The following ARHGEF10 variants were observed in gnomAD, a reference collection of about 807,000 sequenced individuals.
ARHGEF10 encodes the protein Rho guanine nucleotide exchange factor (GEF) 10.
Under a neutral mutation model 147.4 loss-of-function variants are expected in ARHGEF10, and 140 were observed. The ratio of observed to expected loss-of-function variants is 0.95; its 90% CI spans 0.83 to 1.09. ARHGEF10 has a LOEUF of 1.09. ARHGEF10 is among the 50% of genes least tolerant of loss of function. ARHGEF10 has a pLI of 0.00. For synonymous variants in ARHGEF10, 902 were observed against 695.8 expected, an observed-to-expected ratio of 1.30 and a Z score of -4.67; for missense variants, 2,222 against 1,752.7, an observed-to-expected ratio of 1.27 and a Z score of -4.78.
At chr8:1,824,354 G>A (rs1450980104) in intron 1 of ARHGEF10, among the ~76,000 whole-genome samples, 2 of 151,984 alleles carry the variant, frequency 1.3e-5, no homozygotes, top group Admixed American at 6.5e-5. Flanking sequence ...GGGGAGCAGG[G>A]ACTGGCAGCA....
intron 9 of ARHGEF10, 27 bp from the exon 10 acceptor site, chr8:1,882,608 G>A (rs368880314): frequency 3.4e-5 from 53 of 1,543,316 alleles, no homozygotes; most frequent in Non-Finnish European, 4.4e-5. Context: ...CCGCCGTCCC[G>A]TTCTCACATC....
At chr8:1,862,552 G>A (rs1038187356) in intron 4 of ARHGEF10, among the ~76,000 whole-genome samples, 1 of 152,154 alleles carries the variant, frequency 6.6e-6, no homozygotes, top group Non-Finnish European at 1.5e-5. Context: ...TTAATTTCCC[G>A]GAAGGCGGAG....
Position 1,957,339 on chromosome 8 carries a change from TA to T in ARHGEF10, c.*78del. On this transcript the variant is annotated 3_prime_UTR_variant, in exon 29 of 29. Coordinates refer to ENST00000349830, the MANE Select transcript of ARHGEF10 (RefSeq NM_014629.4). ...CAGCTAATCCTACAGCCTGAGTGGT[TA>T]AGCTGTGTCTACACTGGTTGGGAAT... The T allele has an allele frequency of 6.5e-7, 1 of 1,549,650 alleles. No individual in the cohort carries two copies. The highest frequency in any genetic ancestry group is 8.7e-7 in the Non-Finnish European group (1 of 1,148,984).
chr8:1,890,701 C>T (rs1351410286), intron 11 of ARHGEF10, among the ~76,000 whole-genome samples: 1 of 134,136 alleles, frequency 7.5e-6, no homozygotes, highest in Non-Finnish European at 1.6e-5. Context: ...GAGTGGGTCA[C>T]GGGGTCCGTG....
intron 14 of ARHGEF10, among the ~76,000 whole-genome samples, chr8:1,897,351 T>C (rs1222466133): frequency 6.6e-6 from 1 of 152,038 alleles, no homozygotes; most frequent in South Asian, 2.1e-4. Context: ...CAGTTCCCAC[T>C]CTGGACAGCT....
intron 2 of ARHGEF10, among the ~76,000 whole-genome samples, chr8:1,853,908 G>A (rs114118432): frequency 3.3e-5 from 5 of 152,284 alleles, no homozygotes; most frequent in African/African-American, 1.2e-4. Flanking sequence ...TGGGTTAGCC[G>A]AGCCTGCTCT....
chr8:1,941,956 AC>A (rs777137663), intron 26 of ARHGEF10, among the ~76,000 whole-genome samples: 16 of 152,178 alleles, frequency 1.1e-4, no homozygotes, highest in Non-Finnish European at 2.2e-4. Flanking sequence ...CACACCACAT[AC>A]AAAATTATCT....
intron 27 of ARHGEF10, among the ~76,000 whole-genome samples, chr8:1,949,047 C>A (rs918322208): frequency 6.6e-6 from 1 of 150,762 alleles, no homozygotes; most frequent in African/African-American, 2.4e-5. Flanking sequence ...TGTGTGGCAA[C>A]AAGACATAAA....
chr8:1,832,851 G>GGC (rs1803271651), intron 1 of ARHGEF10, among the ~76,000 whole-genome samples: 1 of 141,182 alleles, frequency 7.1e-6, no homozygotes, highest in Non-Finnish European at 1.5e-5. Context: ...CAGAGGCAGA[G>GGC]AGAGACAGAG....
intron 2 of ARHGEF10, among the ~76,000 whole-genome samples, chr8:1,843,745 G>A (rs1277391557): frequency 6.6e-6 from 1 of 152,188 alleles, no homozygotes; most frequent in East Asian, 1.9e-4. Context: ...TGGAGCGGGA[G>A]GGTTGTTACA....
At chr8:1,927,713 G>C (rs1000560199) in intron 23 of ARHGEF10, among the ~76,000 whole-genome samples, 3 of 152,168 alleles carry the variant, frequency 2.0e-5, no homozygotes, top group African/African-American at 7.2e-5. Context: ...AGGAGTTTGA[G>C]ACCAGCCTGG....
chr8:1,939,623 C>T (rs1411873701), intron 26 of ARHGEF10, among the ~76,000 whole-genome samples: 1 of 152,220 alleles, frequency 6.6e-6, no homozygotes, highest in Non-Finnish European at 1.5e-5. Context: ...GGATGGTGCC[C>T]ATGTGGCTAG....
Position 1,903,468 on chromosome 8 carries a change from T to C in ARHGEF10, c.1821+17T>C, listed in dbSNP as rs1810642800. ...CTGAACAAGGTTGAGAGAGGTTTTC[T>C]TCAACTCTATTCCAAAATTATTTTT... On this transcript the variant is annotated intron_variant, in intron 16 of 28. Coordinates refer to ENST00000349830, the MANE Select transcript of ARHGEF10 (RefSeq NM_014629.4). The C allele has an allele frequency of 6.2e-7, 1 of 1,613,426 alleles. No homozygotes were observed. The highest frequency in any genetic ancestry group is 8.5e-7 in the Non-Finnish European group (1 of 1,180,006).
At chr8:1,848,264 G>C (rs996861578) in intron 2 of ARHGEF10, among the ~76,000 whole-genome samples, 1 of 152,182 alleles carries the variant, frequency 6.6e-6, no homozygotes, top group Non-Finnish European at 1.5e-5. Context: ...CTTTGTACGC[G>C]CCACACGGCG....
chr8:1,940,101 T>A (rs562232992), intron 26 of ARHGEF10, among the ~76,000 whole-genome samples: 6 of 152,280 alleles, frequency 3.9e-5, no homozygotes, highest in Admixed American at 3.9e-4. Flanking sequence ...TTTTAAATCA[T>A]CTTTCCAGAA....
At chr8:1,831,253 C>T (rs1403843237) in intron 1 of ARHGEF10, among the ~76,000 whole-genome samples, 1 of 138,630 alleles carries the variant, frequency 7.2e-6, no homozygotes, top group Non-Finnish European at 1.6e-5. Flanking sequence ...CGTGGAGGGA[C>T]AGTGGCAGCC....
chr8:1,912,198 T>C (rs574833915), intron 18 of ARHGEF10, among the ~76,000 whole-genome samples: 14 of 151,446 alleles, frequency 9.2e-5, no homozygotes, highest in African/African-American at 3.4e-4. Context: ...TGCCGTGTGG[T>C]GTTAGACTCA....
In ARHGEF10 at chr8:1,919,237, C is replaced by G. The variant is rs111611480; in HGVS notation, c.2144-3727C>G. ...CTGCTCCGTGGGTGATGGAGCTGTT[C>G]TGTCGAGTGATGGAGCTGTTCTGTG... is the stretch of plus-strand genomic sequence containing the variant. On this transcript the variant is annotated intron_variant, in intron 18 of 28. Transcript: ENST00000349830. Among the ~76,000 whole-genome samples the G allele has an allele frequency of 4.7e-4, 65 of 139,588 alleles. 3 individuals carry two copies. The highest frequency in any genetic ancestry group is 1.6e-3 in the African/African-American group (56 of 35,458). 91.6% of individuals were successfully genotyped at this position (139,588 alleles called of 152,430 possible).
At chr8:1,952,019 C>T (rs1406401835) in intron 27 of ARHGEF10, among the ~76,000 whole-genome samples, 1 of 148,648 alleles carries the variant, frequency 6.7e-6, no homozygotes, top group East Asian at 2.0e-4. Flanking sequence ...CTAGCCTTGT[C>T]ACTGCCGGAG....
Sources: gnomAD v4.1 joint callset for allele counts (sites outside exome capture counted in the v4.1 genomes callset) on GRCh38, gnomAD v4.1.1 for gene constraint, MANE v1.5 for transcripts, NCBI Gene and HGNC (gene_info 2026-07-23, HGNC 2026-07-21) for gene names.